CGGBP1: variants seen among roughly 807,000 people sequenced by gnomAD.
CGGBP1 encodes CGG triplet repeat-binding protein 1.
Under a neutral mutation model 11.4 loss-of-function variants are expected in CGGBP1, and 4 were observed. That is an observed-to-expected ratio of 0.35 (90% CI 0.17 to 0.80). CGGBP1 has a LOEUF of 0.80. CGGBP1 is among the 30% of genes least tolerant of loss of function. The pLI is 0.52. For missense variants in CGGBP1, 135 were observed against 202.1 expected (o/e 0.67, Z 2.01); for synonymous variants, 76 against 74.1 (o/e 1.03, Z -0.13).
chr3:88,078,842 A>G (rs9847019), intron 2 of CGGBP1, among the ~76,000 whole-genome samples: 119,083 of 151,974 alleles, frequency 0.78, 47,568 homozygotes, highest in South Asian at 0.91. Context: ...TGACTAAAGA[A>G]TACTGATTAA....
chr3:88,080,009 G>T (rs1293283204), intron 2 of CGGBP1, among the ~76,000 whole-genome samples: 1 of 151,806 alleles, frequency 6.6e-6, no homozygotes, highest in Non-Finnish European at 1.5e-5. Flanking sequence ...TGATAGAAAA[G>T]GTCAAATTGA....
At chr3:88,060,600 A>T (rs547817552), upstream of CGGBP1, among the ~76,000 whole-genome samples, 27 of 152,314 alleles carry the variant, frequency 1.8e-4, no homozygotes, top group Non-Finnish European at 3.7e-4. Flanking sequence ...ACCTTGGACA[A>T]GTTACTCTGT....
At chr3:88,138,223 A>T (rs926789911) in intron 2 of CGGBP1, among the ~76,000 whole-genome samples, 3 of 152,132 alleles carry the variant, frequency 2.0e-5, no homozygotes, top group African/African-American at 7.2e-5. Flanking sequence ...AAAATAAGTA[A>T]TATTTTTTCA....
intron 2 of CGGBP1, among the ~76,000 whole-genome samples, chr3:88,099,585 C>G (rs533961852): frequency 6.6e-6 from 1 of 152,128 alleles, no homozygotes; most frequent in African/African-American, 2.4e-5. Flanking sequence ...TACTACAAGG[C>G]TACAGTAACC....
chr3:88,063,821 T>C (rs1707033959), upstream of CGGBP1, among the ~76,000 whole-genome samples: 1 of 152,118 alleles, frequency 6.6e-6, no homozygotes, highest in Non-Finnish European at 1.5e-5. Context: ...TTACTAGTCA[T>C]CCTTGTCTTA....
At chr3:88,126,297 A>C in intron 2 of CGGBP1, 1 of 1,433,946 alleles carries the variant, frequency 7.0e-7, no homozygotes, top group Non-Finnish European at 9.2e-7. Flanking sequence ...AAATCAAACC[A>C]ACATTTGTGA....
chr3:88,058,488 C>T (rs1206298335), intron 1 of CGGBP1, among the ~76,000 whole-genome samples: 2 of 152,104 alleles, frequency 1.3e-5, no homozygotes, highest in Admixed American at 6.6e-5. Flanking sequence ...CCGGGACGTT[C>T]CCGGCGTCTG....
rs1449910754 is a variant in CGGBP1, at chr3:88,052,498, C to G, written c.*2975G>C. The G allele has an allele frequency of 6.6e-6, 1 of 152,474 alleles. No individual in the cohort carries two copies. Among genetic ancestry groups the G allele is most frequent in the Non-Finnish European group, 1.5e-5 (1 of 67,994 alleles). 9.4% of individuals were successfully genotyped at this position (152,474 alleles called of 1,614,324 possible). On this transcript the variant is annotated 3_prime_UTR_variant, in exon 4 of 4. Coordinates refer to ENST00000482016, the MANE Select transcript of CGGBP1 (RefSeq NM_001008390.2). Reference sequence around the variant, plus strand: ...GGGCCATCTTAAGTTTTGTGTTTTCCATTAACATTCATGTGCAAATTCTTA... The same window carrying G: ...GGGCCATCTTAAGTTTTGTGTTTTCGATTAACATTCATGTGCAAATTCTTA...
At chr3:88,076,567 C>T (rs1707814386) in intron 2 of CGGBP1, among the ~76,000 whole-genome samples, 1 of 152,018 alleles carries the variant, frequency 6.6e-6, no homozygotes, top group African/African-American at 2.4e-5. Flanking sequence ...AGTGCATCAT[C>T]TGTTTTGTTT....
At chr3:88,064,416 C>G (rs1258987451) in intron 2 of CGGBP1, among the ~76,000 whole-genome samples, 1 of 152,106 alleles carries the variant, frequency 6.6e-6, no homozygotes, top group Non-Finnish European at 1.5e-5. Context: ...CTCTTTGTGT[C>G]CAAATGTTCA....
At chr3:88,094,453 G>GGGAAAAGAAATACCCT (rs1248015130) in intron 2 of CGGBP1, among the ~76,000 whole-genome samples, 3 of 152,036 alleles carry the variant, frequency 2.0e-5, no homozygotes, top group Non-Finnish European at 2.9e-5. Flanking sequence ...AAGTGATCAG[G>GGGAAAAGAAATACCCT]GGAAAAGAAA....
chr3:88,056,114 A>C (rs3732776), intron 3 of CGGBP1, 115 bp from the exon 4 acceptor site: 618,538 of 739,274 alleles, frequency 0.84, 260,626 homozygotes, highest in South Asian at 0.91. Context: ...CTTAATTCAA[A>C]TTAGTAGACT....
In CGGBP1 at chr3:88,077,129, C is replaced by T. The variant is rs142308750; in HGVS notation, c.-228-18906G>A. ...TAGAGGAAAAGAGAAAATGTTTGCCCCAAACTTACCATGTCCAGAATTTGG... is the reference window on the plus strand; with the variant it reads ...TAGAGGAAAAGAGAAAATGTTTGCCTCAAACTTACCATGTCCAGAATTTGG... On this transcript the variant is annotated intron_variant, in intron 2 of 3. Transcript: ENST00000462901. Among the ~76,000 whole-genome samples, 376 of 151,980 alleles carry T rather than the reference C, an allele frequency of 2.5e-3. 3 individuals carry two copies. Among genetic ancestry groups the T allele is most frequent in the African/African-American group, 8.2e-3 (341 of 41,448 alleles).
intron 2 of CGGBP1, chr3:88,139,127 A>G: frequency 1.6e-6 from 2 of 1,284,476 alleles, no homozygotes; most frequent in Non-Finnish European, 2.0e-6. Context: ...CAGGTAATCT[A>G]AAAAGGACGG....
At position 88,058,157 on chromosome 3, in the gene CGGBP1, G is replaced by A. The variant is rs1433821927; in HGVS notation, c.-264C>T. 1 of 152,244 alleles carries A rather than the reference G, an allele frequency of 6.6e-6. No individual in the cohort carries two copies. The highest frequency in any genetic ancestry group is 1.5e-5 in the Non-Finnish European group (1 of 68,060). 9.4% of individuals were successfully genotyped at this position (152,244 alleles called of 1,614,324 possible). ...CTTCAAATCAGTTTTTCAACAAGTG[G>A]TGGTGGGGAAATAGTTTCTGGGCTT... On this transcript the variant is annotated 5_prime_UTR_variant, in exon 2 of 4. Transcript: ENST00000482016.
At chr3:88,135,174 T>A (rs760017871) in intron 2 of CGGBP1, 2 of 1,481,236 alleles carry the variant, frequency 1.4e-6, no homozygotes, top group South Asian at 2.7e-5. Flanking sequence ...AGAGTCATAT[T>A]TCCTTTCATG....
At chr3:88,113,653 CAA>C (rs1476459604) in intron 2 of CGGBP1, among the ~76,000 whole-genome samples, 4 of 152,162 alleles carry the variant, frequency 2.6e-5, no homozygotes, top group South Asian at 4.1e-4. Context: ...ATGGGAATGA[CAA>C]AAGAGTCAAG....
chr3:88,074,460 G>A (rs4858991), intron 2 of CGGBP1, among the ~76,000 whole-genome samples: 118,630 of 151,420 alleles, frequency 0.78, 47,390 homozygotes, highest in South Asian at 0.91. Context: ...TCCTGCCTCA[G>A]CCTCCCAAGT....
intron 2 of CGGBP1, chr3:88,128,700 A>C (rs1706268841): frequency 1.3e-5 from 9 of 702,488 alleles, no homozygotes; most frequent in Middle Eastern, 8.1e-4. Context: ...ATGCTATTTA[A>C]GTAGTTAAAT....
Sources: allele counts gnomAD v4.1 joint callset (sites outside exome capture counted in the v4.1 genomes callset), GRCh38; gene constraint gnomAD v4.1.1; transcripts MANE v1.5; gene names NCBI Gene and HGNC (gene_info 2026-07-23, HGNC 2026-07-21).